The following DDX39A variants were observed in gnomAD, a reference collection of about 807,000 sequenced individuals.
DDX39A encodes the protein ATP-dependent RNA helicase DDX39A.
Under a neutral mutation model 46.3 loss-of-function variants are expected in DDX39A, and 13 were observed. That is an observed-to-expected ratio of 0.28 (90% confidence interval 0.18 to 0.45). The LOEUF (loss-of-function observed/expected upper bound fraction) is 0.45. Ranked by LOEUF, DDX39A falls within the 20% of genes least tolerant of loss-of-function variation. The pLI, the probability that DDX39A is intolerant of heterozygous loss-of-function variation, is 1.00. For missense variants in DDX39A, 352 were observed against 581.8 expected (o/e 0.61, Z 4.06); for synonymous variants, 234 against 224.6 (o/e 1.04, Z -0.38).
chr19:14,410,452 G>C lies in DDX39A; in HGVS notation c.614-118C>G, dbSNP rs377106988. ...CAGGGAGCCAGTGGCACCGTGACGA[G>C]GGCAGAGTGAGCCGCGGGAGTGGCC... On this transcript the variant is annotated intron_variant, in intron 5 of 10. Transcript: ENST00000242776. This position sits in a 1 kb window ranked among gnomAD's most constrained non-coding sequence, Gnocchi z 4.3. 6.1e-5 allele frequency: 55 copies of C among 898,932 alleles called. No homozygotes were observed. The highest frequency in any genetic ancestry group is 2.2e-4 in the East Asian group (9 of 40,270). The allele number at this position is 898,932 out of a possible 1,614,324, so 55.7% of individuals were successfully genotyped here. A position where few individuals can be genotyped will look rare whatever the true frequency, so the allele number is the denominator to read the frequency against.
intron 1 of DDX39A, among the ~76,000 whole-genome samples, chr19:14,418,424 C>T (rs542577817): frequency 6.6e-6 from 1 of 152,300 alleles, no homozygotes; most frequent in East Asian, 1.9e-4. Flanking sequence ...TTTATTCCCA[C>T]CTGGGGACTC....
chr19:14,410,146 G>T lies in DDX39A; in HGVS notation c.732+70C>A. The T allele has an allele frequency of 7.3e-7, 1 of 1,362,224 alleles. No homozygotes were observed. Among genetic ancestry groups the T allele is most frequent in the Non-Finnish European group, 1.0e-6 (1 of 954,880 alleles). The allele number at this position is 1,362,224 out of a possible 1,614,324, so 84.4% of individuals were successfully genotyped here. On this transcript the variant is annotated intron_variant, in intron 6 of 10. Coordinates refer to ENST00000242776, the MANE Select transcript of DDX39A (RefSeq NM_005804.4). This position sits in a 1 kb window ranked among gnomAD's most constrained non-coding sequence, Gnocchi z 4.3. Reference sequence around the variant, plus strand: ...GCATCCTCCGTGCCATGTGGGCCGTGCGGGTGTCCTGGGGCCCCAGGCTCC... The same window carrying T: ...GCATCCTCCGTGCCATGTGGGCCGTTCGGGTGTCCTGGGGCCCCAGGCTCC...
At position 14,412,458 on chromosome 19, in the gene DDX39A, C is replaced by T. The variant is rs745614135; in HGVS notation, c.336+93G>A. ...ATCCTCCAGCCTCAGCTTCCCAAAG[C>T]ACTGGGCTAACAGGTGTGAGCCACC... On this transcript the variant is annotated intron_variant, in intron 3 of 10. Transcript: ENST00000242776. The surrounding 1 kb of genome is among the most constrained non-coding windows in gnomAD (Gnocchi z 4.4). 52 of 1,501,716 alleles carry T rather than the reference C, an allele frequency of 3.5e-5. No individual in the cohort carries two copies. The East Asian group carries it at 8.0e-4, about 23-fold the overall frequency. 93.0% of individuals were successfully genotyped at this position (1,501,716 alleles called of 1,614,324 possible). A position where few individuals can be genotyped will look rare whatever the true frequency, so the allele number is the denominator to read the frequency against.
chr19:14,411,319 C>A lies in DDX39A; in HGVS notation c.430-147G>T, dbSNP rs898497852. 7 of 1,084,424 alleles carry A rather than the reference C, an allele frequency of 6.5e-6. No individual in the cohort carries two copies. In the African/African-American group the frequency reaches 9.5e-5, roughly 15 times the overall value. 67.2% of individuals were successfully genotyped at this position (1,084,424 alleles called of 1,614,324 possible). On this transcript the variant is annotated intron_variant, in intron 4 of 10. Coordinates refer to ENST00000242776, the MANE Select transcript of DDX39A (RefSeq NM_005804.4). This position sits in a 1 kb window ranked among gnomAD's most constrained non-coding sequence, Gnocchi z 4.1. ...GGCTCCACTCAAAGGCAGCCCCAGGCTGGGACCTGCGCAGGCCCCTGGGAG... is the reference window on the plus strand; with the variant it reads ...GGCTCCACTCAAAGGCAGCCCCAGGATGGGACCTGCGCAGGCCCCTGGGAG...
rs12461754 is a variant in DDX39A at position 14,410,017 on chromosome 19, G to A, written c.733-144C>T. On this transcript the variant is annotated intron_variant, in intron 6 of 10. Coordinates refer to ENST00000242776, the MANE Select transcript of DDX39A (RefSeq NM_005804.4). The surrounding 1 kb of genome is among the most constrained non-coding windows in gnomAD (Gnocchi z 4.3). ...AGACCTCAGTAAACATCGCTCAAAA[G>A]CTGGATGTAAGCTCTGGCCCGACTC... 0.1 allele frequency: 122,830 copies of A among 1,185,964 alleles called. 7,417 individuals carry two copies. Among genetic ancestry groups the A allele is most frequent in the East Asian group, 0.21 (9,108 of 42,684 alleles). The allele number at this position is 1,185,964 out of a possible 1,614,324, so 73.5% of individuals were successfully genotyped here.
Position 14,409,988 on chromosome 19 carries a change from C to G in DDX39A, c.733-115G>C. ...GCGACACTTCCCAGAGGACCTGCTG[C>G]ACCAGACCTCAGTAAACATCGCTCA... On this transcript the variant is annotated intron_variant, in intron 6 of 10. Transcript: ENST00000242776. This position sits in a 1 kb window ranked among gnomAD's most constrained non-coding sequence, Gnocchi z 8.3. 1 of 1,339,208 alleles carries G rather than the reference C, an allele frequency of 7.5e-7. No homozygotes were observed. The highest frequency in any genetic ancestry group is 1.1e-6 in the Non-Finnish European group (1 of 941,742). 83.0% of individuals were successfully genotyped at this position (1,339,208 alleles called of 1,614,324 possible). A position where few individuals can be genotyped will look rare whatever the true frequency, so the allele number is the denominator to read the frequency against.
Position 14,411,474 on chromosome 19 carries a change from G to T in DDX39A, c.429+32C>A. On this transcript the variant is annotated intron_variant, in intron 4 of 10. Coordinates refer to ENST00000242776, the MANE Select transcript of DDX39A (RefSeq NM_005804.4). This position sits in a 1 kb window ranked among gnomAD's most constrained non-coding sequence, Gnocchi z 4.1. Reference sequence around the variant, plus strand: ...CTAACAAAGCTGCAGAAACCAAGTGGCGCCTGGTCCAGTCTGGCCCGAGGG... The same window carrying T: ...CTAACAAAGCTGCAGAAACCAAGTGTCGCCTGGTCCAGTCTGGCCCGAGGG... 1 of 1,586,858 alleles carries T rather than the reference G, an allele frequency of 6.3e-7. No homozygotes were observed. Among genetic ancestry groups the T allele is most frequent in the African/African-American group, 1.3e-5 (1 of 74,444 alleles).
In DDX39A at chr19:14,413,061, C is replaced by G; in HGVS notation, c.160G>C (p.Glu54Gln). 6.2e-7 allele frequency: 1 copy of G among 1,614,170 alleles called. No individual in the cohort carries two copies. Among genetic ancestry groups the G allele is most frequent in the Non-Finnish European group, 8.5e-7 (1 of 1,180,026 alleles). The change falls in exon 2 of 11, where the codon GAG becomes CAG. Residue 54 changes from glutamate to glutamine, a missense_variant. Glu to Gln is a conservative substitution (Grantham distance 29). Around this residue, in one of 3 missense-constraint regions of DDX39A, gnomAD observed 46 missense variants for 78.2 expected, o/e 0.59. Coordinates refer to ENST00000242776, the MANE Select transcript of DDX39A (RefSeq NM_005804.4). ...SGFRDFLLKP[E>Q]LLRAIVDCGF... ...CAGTCCACGATGGCCCGCAGGAGCT[C>G]CGGCTTCAGCAGAAAGTCCCGGAAG...
rs1233706277 is a variant in DDX39A at position 14,409,676 on chromosome 19, C to T, written c.865-31G>A. On this transcript the variant is annotated intron_variant, in intron 7 of 10. Transcript: ENST00000242776. This position sits in a 1 kb window ranked among gnomAD's most constrained non-coding sequence, Gnocchi z 8.3. Reference sequence around the variant, plus strand: ...GGAAGGAGTGGCAGTCAGGGCCACACAGTCCCTGTGGCCCAGTGACCTCCC... The same window carrying T: ...GGAAGGAGTGGCAGTCAGGGCCACATAGTCCCTGTGGCCCAGTGACCTCCC... The T allele has an allele frequency of 2.5e-6, 4 of 1,609,664 alleles. No homozygotes were observed. The South Asian group carries it at 4.4e-5, about 18-fold the overall frequency.
In DDX39A at chr19:14,411,406, C is replaced by T. The variant is rs1976584746; in HGVS notation, c.429+100G>A. The T allele has an allele frequency of 2.4e-6, 3 of 1,236,926 alleles. No individual in the cohort carries two copies. Among genetic ancestry groups the T allele is most frequent in the South Asian group, 1.2e-5 (1 of 81,476 alleles). The allele number at this position is 1,236,926 out of a possible 1,614,324, so 76.6% of individuals were successfully genotyped here. The stretch of plus-strand genomic sequence containing the variant: ...CCACCGCAAACCTCAAAGGCAGCTG[C>T]CCCTGCCAAGCTTGGTAAATGCTGG... On this transcript the variant is annotated intron_variant, in intron 4 of 10. Transcript: ENST00000242776. This position sits in a 1 kb window ranked among gnomAD's most constrained non-coding sequence, Gnocchi z 4.1.
At position 14,412,141 on chromosome 19, in the gene DDX39A, G is replaced by A. The variant is rs1480599284; in HGVS notation, c.336+410C>T. Among the ~76,000 whole-genome samples the A allele has an allele frequency of 2.0e-5, 3 of 152,176 alleles. No homozygotes were observed. The highest frequency in any genetic ancestry group is 2.9e-5 in the Non-Finnish European group (2 of 68,034). On this transcript the variant is annotated intron_variant, in intron 3 of 10. Coordinates refer to ENST00000242776, the MANE Select transcript of DDX39A (RefSeq NM_005804.4). This position sits in a 1 kb window ranked among gnomAD's most constrained non-coding sequence, Gnocchi z 4.4. ...CCAGGACAGTGGCACACAAGACAATGGGAGAAGACAGCCAGGGCCTAACAG... is the reference window on the plus strand; with the variant it reads ...CCAGGACAGTGGCACACAAGACAATAGGAGAAGACAGCCAGGGCCTAACAG...
In DDX39A at chr19:14,409,452, G is replaced by A. The variant is rs1312904911; in HGVS notation, c.975-5C>T. 3 of 1,613,894 alleles carry A rather than the reference G, an allele frequency of 1.9e-6. No individual in the cohort carries two copies. Among genetic ancestry groups the A allele is most frequent in the Admixed American group, 3.3e-5 (2 of 60,028 alleles). On this transcript the variant is annotated splice_region_variant and splice_polypyrimidine_tract_variant and intron_variant, in intron 8 of 10. Transcript: ENST00000242776. This position sits in a 1 kb window ranked among gnomAD's most constrained non-coding sequence, Gnocchi z 8.3. ...AACTGCTGATAGCGTGACAGGCTGG[G>A]GTGCAGGAGAAACAAGTGGAGGCCG...
chr19:14,418,751 C>A (rs1446210993), intron 1 of DDX39A, among the ~76,000 whole-genome samples: 1 of 152,124 alleles, frequency 6.6e-6, no homozygotes. Context: ...AGAGCCACCG[C>A]GCCCGGCCTT....
chr19:14,416,884 C>T (rs181475163), intron 1 of DDX39A, among the ~76,000 whole-genome samples: 2 of 152,056 alleles, frequency 1.3e-5, no homozygotes, highest in African/African-American at 4.8e-5. Context: ...TGTTTCACCA[C>T]GTTTCCCAGG....
chr19:14,414,538 A>G (rs1976728814), intron 1 of DDX39A, among the ~76,000 whole-genome samples: 1 of 149,712 alleles, frequency 6.7e-6, no homozygotes, highest in African/African-American at 2.4e-5. Context: ...TTTCGTAGAG[A>G]CAGGGTTTCA....
rs1304504656 is a variant in DDX39A at position 14,412,792 on chromosome 19, C to T, written c.209-114G>A. 7.0e-7 allele frequency: 1 copy of T among 1,438,124 alleles called. No homozygotes were observed. Among genetic ancestry groups the T allele is most frequent in the African/African-American group, 1.4e-5 (1 of 70,740 alleles). The allele number at this position is 1,438,124 out of a possible 1,614,324, so 89.1% of individuals were successfully genotyped here. The stretch of plus-strand genomic sequence containing the variant: ...GCAATCAGAAGAGGCCGAGTCCGGA[C>T]AAGGCCACAGACACCTGCAGGGCTG... On this transcript the variant is annotated intron_variant, in intron 2 of 10. Coordinates refer to ENST00000242776, the MANE Select transcript of DDX39A (RefSeq NM_005804.4). The surrounding 1 kb of genome is among the most constrained non-coding windows in gnomAD (Gnocchi z 4.4).
intron 1 of DDX39A, among the ~76,000 whole-genome samples, chr19:14,417,745 G>A (rs1171728285): frequency 3.9e-5 from 6 of 152,174 alleles, no homozygotes; most frequent in Admixed American, 3.9e-4. Flanking sequence ...TGGGCCTGTA[G>A]TCCCAGCTAC....
intron 1 of DDX39A, among the ~76,000 whole-genome samples, chr19:14,417,729 G>C (rs1976868064): frequency 6.6e-6 from 1 of 152,224 alleles, no homozygotes; most frequent in Non-Finnish European, 1.5e-5. Context: ...GCCCGGTGTG[G>C]TGGCATGGGC....
At position 14,410,903 on chromosome 19, in the gene DDX39A, T is replaced by G. The variant is rs527691915; in HGVS notation, c.613+86A>C. Reference sequence around the variant, plus strand: ...AGGAGCCCCGCCTGCCGGCCGCCCATGTAACCCACTCAAGAGCCTTCCGCC... The same window carrying G: ...AGGAGCCCCGCCTGCCGGCCGCCCAGGTAACCCACTCAAGAGCCTTCCGCC... On this transcript the variant is annotated intron_variant, in intron 5 of 10. Transcript: ENST00000242776. The surrounding 1 kb of genome is among the most constrained non-coding windows in gnomAD (Gnocchi z 4.3). The G allele has an allele frequency of 2.3e-6, 3 of 1,305,660 alleles. No individual in the cohort carries two copies. The highest frequency in any genetic ancestry group is 3.0e-5 in the African/African-American group (2 of 66,730). The allele number at this position is 1,305,660 out of a possible 1,614,324, so 80.9% of individuals were successfully genotyped here. A position where few individuals can be genotyped will look rare whatever the true frequency, so the allele number is the denominator to read the frequency against.
Sources: gnomAD v4.1 joint callset for allele counts (sites outside exome capture counted in the v4.1 genomes callset) on GRCh38, gnomAD v4.1.1 for gene constraint, gnomAD v4.1.1 regional missense constraint, Gnocchi (gnomAD v3.1) non-coding constraint, MANE v1.5 for transcripts, NCBI Gene and HGNC (gene_info 2026-07-23, HGNC 2026-07-21) for gene names.